The following ROR1 variants were observed in gnomAD, a reference collection of about 807,000 sequenced individuals.
ROR1 encodes the protein inactive tyrosine-protein kinase transmembrane receptor ROR1.
In ROR1, 19 loss-of-function variants were observed where a neutral mutation model predicts 78.8. The observed-to-expected ratio is 0.24, with a 90% CI of 0.17 to 0.35. The LOEUF is 0.35. Among genes scored for constraint, ROR1 ranks in the 10% least tolerant of loss-of-function variants. The pLI, the probability that ROR1 is intolerant of heterozygous loss-of-function variation, is 1.00. For synonymous variants in ROR1, 386 were observed against 433.6 expected (o/e 0.89, Z 1.36); for missense variants, 917 against 1,177.8 (o/e 0.78, Z 3.24).
chr1:64,015,300 C>A (rs1329454544), intron 2 of ROR1, among the ~76,000 whole-genome samples: 1 of 152,154 alleles, frequency 6.6e-6, no homozygotes, highest in African/African-American at 2.4e-5. Context: ...ATATCAATTA[C>A]CTAAGGTGGT....
chr1:63,817,947 A>G (rs12087482), intron 1 of ROR1, among the ~76,000 whole-genome samples: 1 of 152,062 alleles, frequency 6.6e-6, no homozygotes. Flanking sequence ...TACGGAACCC[A>G]CTGTAGTAAC....
At chr1:64,128,690 C>G (rs758499218) in intron 4 of ROR1, among the ~76,000 whole-genome samples, 1 of 152,100 alleles carries the variant, frequency 6.6e-6, no homozygotes, top group Non-Finnish European at 1.5e-5. Context: ...GTGACCAAAG[C>G]AAAGTTCCTA....
At chr1:64,085,523 T>A (rs1425593429) in intron 4 of ROR1, among the ~76,000 whole-genome samples, 2 of 152,222 alleles carry the variant, frequency 1.3e-5, no homozygotes, top group Non-Finnish European at 2.9e-5. Flanking sequence ...TCTTTGAGAA[T>A]GTGTTTATTC....
At chr1:64,173,853 C>G (rs1650307513) in intron 8 of ROR1, among the ~76,000 whole-genome samples, 1 of 152,194 alleles carries the variant, frequency 6.6e-6, no homozygotes, top group Admixed American at 6.5e-5. Context: ...CTGCTACCAT[C>G]CACTCTTCCA....
At chr1:63,973,037 A>AG (rs1646131057) in intron 1 of ROR1, among the ~76,000 whole-genome samples, 1 of 152,234 alleles carries the variant, frequency 6.6e-6, no homozygotes, top group African/African-American at 2.4e-5. Context: ...CAGGAAGGGC[A>AG]GGCTGCTGCT....
At chr1:63,924,616 G>C (rs1401806789) in intron 1 of ROR1, among the ~76,000 whole-genome samples, 2 of 152,192 alleles carry the variant, frequency 1.3e-5, no homozygotes, top group Non-Finnish European at 2.9e-5. Flanking sequence ...ACTGTGTGCT[G>C]CTCTATGTGC....
At chr1:63,778,854 G>C (rs1644633514) in intron 1 of ROR1, among the ~76,000 whole-genome samples, 2 of 152,178 alleles carry the variant, frequency 1.3e-5, no homozygotes, top group South Asian at 4.1e-4. Context: ...AGCCCTAACA[G>C]TTCATGCTCT....
At chr1:64,088,265 T>C (rs1201297469) in intron 4 of ROR1, among the ~76,000 whole-genome samples, 1 of 152,194 alleles carries the variant, frequency 6.6e-6, no homozygotes, top group Non-Finnish European at 1.5e-5. Flanking sequence ...TGGATATTAT[T>C]GCTATGTATG....
At chr1:64,098,891 T>C (rs1228084272) in intron 4 of ROR1, among the ~76,000 whole-genome samples, 1 of 152,234 alleles carries the variant, frequency 6.6e-6, no homozygotes, top group Non-Finnish European at 1.5e-5. Context: ...ATATCGGGGC[T>C]ATGGGTGAAA....
At chr1:64,130,583 A>T (rs1440370396) in intron 4 of ROR1, among the ~76,000 whole-genome samples, 1 of 152,112 alleles carries the variant, frequency 6.6e-6, no homozygotes, top group African/African-American at 2.4e-5. Context: ...GCTAGGGCTG[A>T]TAAGATTTAA....
intron 1 of ROR1, among the ~76,000 whole-genome samples, chr1:63,968,166 A>C (rs905099659): frequency 1.2e-4 from 19 of 152,174 alleles, no homozygotes; most frequent in African/African-American, 4.1e-4. Flanking sequence ...ACTTTTAGGA[A>C]TATGTTCTAG....
At chr1:63,984,076 T>C (rs1035054706) in intron 1 of ROR1, among the ~76,000 whole-genome samples, 4 of 152,158 alleles carry the variant, frequency 2.6e-5, no homozygotes, top group African/African-American at 9.7e-5. Context: ...GAAGACCAAG[T>C]TGAAACATGC....
At chr1:64,134,512 C>T (rs1649034003) in intron 4 of ROR1, among the ~76,000 whole-genome samples, 1 of 152,146 alleles carries the variant, frequency 6.6e-6, no homozygotes. Flanking sequence ...GATAATAGCT[C>T]ATCAGGGGCT....
intron 1 of ROR1, among the ~76,000 whole-genome samples, chr1:63,831,619 T>C (rs1644989532): frequency 6.6e-6 from 1 of 152,180 alleles, no homozygotes; most frequent in Admixed American, 6.5e-5. Flanking sequence ...AAACCAGTTT[T>C]CCCTTCTAGG....
At chr1:63,957,971 T>C (rs1448666794) in intron 1 of ROR1, among the ~76,000 whole-genome samples, 1 of 152,120 alleles carries the variant, frequency 6.6e-6, no homozygotes, top group Non-Finnish European at 1.5e-5. Context: ...CTCAAACTTC[T>C]GATCTCATAA....
chr1:63,863,707 C>CATTGTATTGTATTGTATTGT lies in ROR1; in HGVS notation c.91+89277_91+89296dup, dbSNP rs61123882. ...TACATTTTCCAGCATTCAACACTGC[C>CATTGTATTGTATTGTATTGT]ATTGTATTGTATTGTATTGTATTGT... On this transcript the variant is annotated intron_variant, in intron 1 of 8. Coordinates refer to ENST00000371079, the MANE Select transcript of ROR1 (RefSeq NM_005012.4). Among the ~76,000 whole-genome samples the CATTGTATTGTATTGTATTGT allele has an allele frequency of 6.5e-4, 43 of 66,014 alleles. 2 individuals are homozygous for CATTGTATTGTATTGTATTGT. The highest frequency in any genetic ancestry group is 8.6e-4 in the African/African-American group (16 of 18,628). 43.3% of individuals were successfully genotyped at this position (66,014 alleles called of 152,430 possible). A position where few individuals can be genotyped will look rare whatever the true frequency, so the allele number is the denominator to read the frequency against.
chr1:64,026,869 A>T (rs1646615351), intron 2 of ROR1, among the ~76,000 whole-genome samples: 1 of 152,200 alleles, frequency 6.6e-6, no homozygotes, highest in African/African-American at 2.4e-5. Flanking sequence ...GATTATGGGG[A>T]TTACAATTCC....
intron 4 of ROR1, among the ~76,000 whole-genome samples, chr1:64,098,389 T>G (rs1647384390): frequency 6.6e-6 from 1 of 152,144 alleles, no homozygotes; most frequent in Admixed American, 6.5e-5. Context: ...TAGAAAAGCA[T>G]GTTTCTGACT....
At chr1:64,026,196 G>A (rs1646608148) in intron 2 of ROR1, among the ~76,000 whole-genome samples, 1 of 152,048 alleles carries the variant, frequency 6.6e-6, no homozygotes, top group Non-Finnish European at 1.5e-5. Flanking sequence ...AAAGTGGCTG[G>A]GGGCTGTTCT....
Sources: allele counts gnomAD v4.1 joint callset (sites outside exome capture counted in the v4.1 genomes callset), GRCh38; gene constraint gnomAD v4.1.1; transcripts MANE v1.5; gene names NCBI Gene and HGNC (gene_info 2026-07-23, HGNC 2026-07-21).